The following CHRNA6 variants were observed in gnomAD, a reference collection of about 807,000 sequenced individuals.
CHRNA6 encodes the protein neuronal acetylcholine receptor subunit alpha-6.
Under a neutral mutation model 40.9 loss-of-function variants are expected in CHRNA6, and 31 were observed. That is an observed-to-expected ratio of 0.76 (90% CI 0.57 to 1.02). CHRNA6 has a LOEUF of 1.02. Among genes scored for constraint, CHRNA6 ranks in the 50% least tolerant of loss-of-function variants. The probability of loss-of-function intolerance (pLI) is 0.00; values close to 1 mark genes in which losing one functional copy is unlikely to be tolerated. For synonymous variants in CHRNA6, 222 were observed against 221.3 expected, an observed-to-expected ratio of 1.00 and a Z score of -0.03; for missense variants, 546 against 596.6, an observed-to-expected ratio of 0.92 and a Z score of 0.88.
Position 42,764,985 on chromosome 8 carries a change from C to G in CHRNA6, c.219+80G>C. 2.1e-6 allele frequency: 3 copies of G among 1,461,696 alleles called. No homozygotes were observed. In the South Asian group the frequency reaches 3.7e-5, roughly 18 times the overall value. 90.5% of individuals were successfully genotyped at this position (1,461,696 alleles called of 1,614,324 possible). A position where few individuals can be genotyped will look rare whatever the true frequency, so the allele number is the denominator to read the frequency against. On this transcript the variant is annotated intron_variant, in intron 2 of 5. Coordinates refer to ENST00000276410, the MANE Select transcript of CHRNA6 (RefSeq NM_004198.3). ...AGATCTCGTGTAGATTTGCATCTAT[C>G]TGTATTTCTAAAATTCCTTCATTTA... is the stretch of plus-strand genomic sequence containing the variant.
chr8:42,759,388 G>A (rs1816861801), intron 2 of CHRNA6: 1 of 386,082 alleles, frequency 2.6e-6, no homozygotes, highest in African/African-American at 2.0e-5. Flanking sequence ...TCCGATCTCT[G>A]CAGCCCATAA....
chr8:42,756,125 A>C lies in CHRNA6; in HGVS notation c.1074T>G (p.Pro358=). The C allele has an allele frequency of 6.2e-7, 1 of 1,614,274 alleles. No homozygotes were observed. The highest frequency in any genetic ancestry group is 8.5e-7 in the Non-Finnish European group (1 of 1,180,048). The change falls in exon 5 of 6, where the codon CCT becomes CCG. Residue 358 remains proline (P), a synonymous_variant. Transcript: ENST00000276410. ...AGCCTGTGCCCCTTGTCTTGTCCAG[A>C]GGCCACCTCATCAGCAGGACCTGGG... ...LLPQVLLMRW[P]LDKTRGTGSD... is the part of the protein sequence containing the mutation.
intron 2 of CHRNA6, among the ~76,000 whole-genome samples, chr8:42,761,826 C>A (rs1816909600): frequency 6.6e-6 from 1 of 152,192 alleles, no homozygotes; most frequent in Admixed American, 6.5e-5. Flanking sequence ...ACAGCAGCTG[C>A]ATCAAAGGCT....
At chr8:42,761,012 G>A (rs1166730531) in intron 2 of CHRNA6, among the ~76,000 whole-genome samples, 1 of 152,154 alleles carries the variant, frequency 6.6e-6, no homozygotes, top group Non-Finnish European at 1.5e-5. Flanking sequence ...GAGCTCCATG[G>A]TGGTGGCTGA....
At chr8:42,762,418 G>T (rs978348393) in intron 2 of CHRNA6, among the ~76,000 whole-genome samples, 1 of 152,148 alleles carries the variant, frequency 6.6e-6, no homozygotes, top group African/African-American at 2.4e-5. Flanking sequence ...AGAGGCCAAG[G>T]TGGGCAGATC....
At position 42,756,863 on chromosome 8, in the gene CHRNA6, T is replaced by A. The variant is rs761767099; in HGVS notation, c.375-39A>T. On this transcript the variant is annotated intron_variant, in intron 4 of 5. Transcript: ENST00000276410. ...CAGACACCATTAGTAACACTCCCTT[T>A]GCTATAGGCCAGAATACACCAACAG... 5 of 1,609,658 alleles carry A rather than the reference T, an allele frequency of 3.1e-6. No individual in the cohort carries two copies. The East Asian group carries it at 8.9e-5, about 29-fold the overall frequency.
chr8:42,761,436 A>C (rs531706441), intron 2 of CHRNA6, among the ~76,000 whole-genome samples: 3 of 152,380 alleles, frequency 2.0e-5, no homozygotes, highest in Non-Finnish European at 4.4e-5. Context: ...GGTTCCAGGA[A>C]GGCCTTGGGG....
chr8:42,753,030 T>G lies in CHRNA6; in HGVS notation c.*149A>C. The G allele has an allele frequency of 1.5e-6, 1 of 647,634 alleles. No individual in the cohort carries two copies. The highest frequency in any genetic ancestry group is 2.9e-5 in the East Asian group (1 of 34,820). 40.1% of individuals were successfully genotyped at this position (647,634 alleles called of 1,614,324 possible). On this transcript the variant is annotated 3_prime_UTR_variant, in exon 6 of 6. Coordinates refer to ENST00000276410, the MANE Select transcript of CHRNA6 (RefSeq NM_004198.3). ...CACTGGAGGATATTCTGCTTCCTAA[T>G]GTGCAAGAAAGTCCTCTTTTTCCAT... is the stretch of plus-strand genomic sequence containing the variant.
At chr8:42,762,767 C>T (rs4398905) in intron 2 of CHRNA6, among the ~76,000 whole-genome samples, 21,635 of 152,122 alleles carry the variant, frequency 0.14, 1,900 homozygotes, top group African/African-American at 0.23. Context: ...AAGGATGATG[C>T]TGAGGGAAAA....
chr8:42,762,170 C>T (rs2128912191), intron 2 of CHRNA6, among the ~76,000 whole-genome samples: 1 of 152,330 alleles, frequency 6.6e-6, no homozygotes, highest in Admixed American at 6.5e-5. Flanking sequence ...CTGGCTGTGC[C>T]ACTTCTCTCG....
rs753804344 is a variant in CHRNA6 at position 42,753,185 on chromosome 8, T to C, written c.1479A>G (p.Lys493=). Reference sequence around the variant, plus strand: ...ACATAAAAGAAAATACATTTTAAGATTTTCCTGTGTTCCCAAGTAGTGGCT... The same window carrying C: ...ACATAAAAGAAAATACATTTTAAGACTTTCCTGTGTTCCCAAGTAGTGGCT... The part of the protein sequence containing the change: ...FLQPLLGNTG[K]S The change falls in exon 6 of 6, where the codon AAA becomes AAG. Residue 493 remains lysine (K), a synonymous_variant. Transcript: ENST00000276410. 6.3e-7 allele frequency: 1 copy of C among 1,592,470 alleles called. No homozygotes were observed.
chr8:42,756,560 G>T lies in CHRNA6; in HGVS notation c.639C>A (p.Gly213=), dbSNP rs368168912. 1 of 1,614,056 alleles carries T rather than the reference G, an allele frequency of 6.2e-7. No individual in the cohort carries two copies. Among genetic ancestry groups the T allele is most frequent in the Non-Finnish European group, 8.5e-7 (1 of 1,179,998 alleles). Residue 213 remains glycine, a synonymous_variant, in exon 5 of 6, where the codon GGC becomes GGA. Coordinates refer to ENST00000276410, the MANE Select transcript of CHRNA6 (RefSeq NM_004198.3). ...AGTTGTATTTGATGTCATGTTTGTA[G>T]CCAGAGGCATCAATGATTTCCCATT... ...NSEWEIIDAS[G]YKHDIKYNCC... is the part of the protein sequence containing the mutation.
At chr8:42,766,521 A>AGAAAGAAAGAGAGAGAGAG (rs1563627476) in intron 1 of CHRNA6, among the ~76,000 whole-genome samples, 2 of 151,936 alleles carry the variant, frequency 1.3e-5, no homozygotes, top group African/African-American at 4.8e-5. Flanking sequence ...AAAGAAAGAA[A>AGAAAGAAAGAGAGAGAGAG]ATGTGGTATA....
At chr8:42,758,249 A>G (rs1816840005) in intron 3 of CHRNA6, among the ~76,000 whole-genome samples, 1 of 152,170 alleles carries the variant, frequency 6.6e-6, no homozygotes, top group Non-Finnish European at 1.5e-5. Flanking sequence ...TCCGTGAGCT[A>G]TACTCACACT....
At position 42,760,346 on chromosome 8, in the gene CHRNA6, A is replaced by ACT. The variant is rs375605153; in HGVS notation, c.220-1235_220-1234dup. ...CACACTCACACTCATGCGCACACAC[A>ACT]CTCGTGAACACACAATCATGCAAAC... On this transcript the variant is annotated intron_variant, in intron 2 of 5. Coordinates refer to ENST00000276410, the MANE Select transcript of CHRNA6 (RefSeq NM_004198.3). Among the ~76,000 whole-genome samples, 851 of 151,362 alleles carry ACT rather than the reference A, an allele frequency of 5.6e-3. 8 individuals carry two copies. The highest frequency in any genetic ancestry group is 0.02 in the African/African-American group (810 of 41,146).
At chr8:42,761,365 C>T (rs1046590393) in intron 2 of CHRNA6, among the ~76,000 whole-genome samples, 5 of 152,234 alleles carry the variant, frequency 3.3e-5, no homozygotes, top group African/African-American at 1.2e-4. Context: ...CAGAGTCCAG[C>T]AGGGGCCATG....
At chr8:42,762,757 A>G (rs1170205919) in intron 2 of CHRNA6, among the ~76,000 whole-genome samples, 1 of 152,198 alleles carries the variant, frequency 6.6e-6, no homozygotes, top group Admixed American at 6.5e-5. Context: ...GGAATCTCTA[A>G]AGGATGATGC....
In CHRNA6 at chr8:42,756,046, T is replaced by C. The variant is rs1306159308; in HGVS notation, c.1153A>G (p.Ser385Gly). Residue 385 changes from serine to glycine, a missense_variant, in exon 5 of 6, where the codon AGC becomes GGC. Physicochemically the swap from Ser to Gly is moderately conservative, Grantham distance 56. Coordinates refer to ENST00000276410, the MANE Select transcript of CHRNA6 (RefSeq NM_004198.3). ...TTAAGATGTCTGGGTTCCCCATGGCTTGCAAGCTTGCCTTTGGCAGGCCTC... is the reference window on the plus strand; with the variant it reads ...TTAAGATGTCTGGGTTCCCCATGGCCTGCAAGCTTGCCTTTGGCAGGCCTC... Reference protein sequence around the residue: ...ARRPAKGKLASHGEPRHLKEC... With the variant: ...ARRPAKGKLAGHGEPRHLKEC... The C allele has an allele frequency of 6.2e-7, 1 of 1,614,254 alleles. No individual in the cohort carries two copies. The highest frequency in any genetic ancestry group is 2.2e-5 in the East Asian group (1 of 44,890).
In CHRNA6 at chr8:42,768,610, T is replaced by C; in HGVS notation, c.-180A>G. On this transcript the variant is annotated 5_prime_UTR_variant, in exon 1 of 6. Coordinates refer to ENST00000276410, the MANE Select transcript of CHRNA6 (RefSeq NM_004198.3). The stretch of plus-strand genomic sequence containing the variant: ...CACGGTTATTACCAGGATCAGAGAC[T>C]GAGGCAGACATGAAGGGCGAATAAA... The C allele has an allele frequency of 3.8e-6, 2 of 522,296 alleles. 1 individual carries two copies. The highest frequency in any genetic ancestry group is 6.3e-5 in the South Asian group (2 of 31,568). The allele number at this position is 522,296 out of a possible 1,614,324, so 32.4% of individuals were successfully genotyped here.
Sources: allele counts gnomAD v4.1 joint callset (sites outside exome capture counted in the v4.1 genomes callset), GRCh38; gene constraint gnomAD v4.1.1; transcripts MANE v1.5; gene names NCBI Gene and HGNC (gene_info 2026-07-23, HGNC 2026-07-21).